VCP: variants seen among roughly 807,000 people sequenced by gnomAD.
The protein encoded by VCP is valosin containing protein, also known as transitional endoplasmic reticulum ATPase.
Under a neutral mutation model 85.7 loss-of-function variants are expected in VCP, and 6 were observed. The observed-to-expected ratio is 0.07, with a 90% CI of 0.04 to 0.14. The LOEUF (loss-of-function observed/expected upper bound fraction) is 0.14, where lower values mean the gene tolerates loss of function less well. VCP is among the 10% of genes least tolerant of loss of function. The pLI is 1.00. For missense variants in VCP, 353 were observed against 1,043.4 expected (o/e 0.34, Z 9.12); for synonymous variants, 384 against 367.1 (o/e 1.05, Z -0.53).
chr9:35,065,767 G>A (rs1791397472), intron 4 of VCP, among the ~76,000 whole-genome samples: 1 of 152,128 alleles, frequency 6.6e-6, no homozygotes, highest in African/African-American at 2.4e-5. Context: ...TACTCTCCTG[G>A]AACAGAGAAG....
chr9:35,057,894 G>A (rs978064085), intron 15 of VCP: 11 of 360,262 alleles, frequency 3.1e-5, no homozygotes, highest in Non-Finnish European at 5.3e-5. Flanking sequence ...TATAGAAAGA[G>A]TGAATTTTAT....
In VCP at chr9:35,072,602, G is replaced by A. The variant is rs936996278; in HGVS notation, c.-249C>T. 6 of 479,632 alleles carry A rather than the reference G, an allele frequency of 1.3e-5. No individual in the cohort carries two copies. The highest frequency in any genetic ancestry group is 2.1e-5 in the African/African-American group (1 of 48,498). The allele number at this position is 479,632 out of a possible 1,614,324, so 29.7% of individuals were successfully genotyped here. On this transcript the variant is annotated 5_prime_UTR_variant, in exon 1 of 17. Coordinates refer to ENST00000358901, the MANE Select transcript of VCP (RefSeq NM_007126.5). ...CAGCGGCAGCGACGACTCAAACGAC[G>A]GTCGCAGACGCTTCGCTGAGACTGA...
chr9:35,072,543 C>G lies in VCP; in HGVS notation c.-190G>C. ...GGCGTCGGGCGAACAACGCTGGCTC[C>G]TGATCCGCGAGGTGGCAGTGGCAGT... On this transcript the variant is annotated 5_prime_UTR_variant, in exon 1 of 17. Coordinates refer to ENST00000358901, the MANE Select transcript of VCP (RefSeq NM_007126.5). 3 of 670,138 alleles carry G rather than the reference C, an allele frequency of 4.5e-6. No individual in the cohort carries two copies. Among genetic ancestry groups the G allele is most frequent in the Admixed American group, 4.3e-5 (1 of 23,046 alleles). The allele number at this position is 670,138 out of a possible 1,614,324, so 41.5% of individuals were successfully genotyped here. A position where few individuals can be genotyped will look rare whatever the true frequency, so the allele number is the denominator to read the frequency against.
intron 1 of VCP, among the ~76,000 whole-genome samples, chr9:35,069,288 G>A (rs1321757003): frequency 6.6e-6 from 1 of 152,042 alleles, no homozygotes; most frequent in Non-Finnish European, 1.5e-5. Flanking sequence ...TGAGACATGG[G>A]GCAAATCCAA....
At chr9:35,065,157 C>T (rs893301313) in intron 5 of VCP, 94 bp downstream of exon 5, 10 of 1,591,212 alleles carry the variant, frequency 6.3e-6, no homozygotes, top group East Asian at 2.2e-5. Context: ...TGTCAGCCAC[C>T]GCAGCCGGCC....
At chr9:35,061,270 T>C in intron 10 of VCP, 91 bp from the exon 11 acceptor site, 3 of 1,551,386 alleles carry the variant, frequency 1.9e-6, no homozygotes, top group Non-Finnish European at 2.7e-6. Context: ...CTGACTGCTA[T>C]CCCTGGGTCC....
intron 3 of VCP, among the ~76,000 whole-genome samples, chr9:35,067,053 G>T (rs1828848115): frequency 6.6e-6 from 1 of 152,208 alleles, no homozygotes; most frequent in South Asian, 2.1e-4. Flanking sequence ...ACAAAGACAT[G>T]CAGGGTCTTC....
intron 15 of VCP, chr9:35,057,732 G>C: frequency 1.5e-6 from 1 of 673,904 alleles, no homozygotes; most frequent in Non-Finnish European, 2.6e-6. Context: ...AAAACTGTAG[G>C]GACAGAAATC....
In VCP at chr9:35,068,069, G is replaced by T; in HGVS notation, c.130-6C>A. 2.5e-6 allele frequency: 4 copies of T among 1,614,200 alleles called. No individual in the cohort carries two copies. The highest frequency in any genetic ancestry group is 3.4e-6 in the Non-Finnish European group (4 of 1,180,044). On this transcript the variant is annotated splice_region_variant and splice_polypyrimidine_tract_variant and intron_variant, in intron 2 of 16. Transcript: ENST00000358901. ...TGCAATTCATCCATCTTGGGCTGAG[G>T]AAAGAAAGTTAAGGCCTTTGGGTCA...
At chr9:35,058,210 T>C (rs142113644) in intron 15 of VCP, among the ~76,000 whole-genome samples, 221 of 152,290 alleles carry the variant, frequency 1.5e-3, no homozygotes, top group Non-Finnish European at 2.3e-3. Flanking sequence ...TCATCAGTAG[T>C]TGTTAAGCTT....
intron 4 of VCP, 26 bp from the exon 5 acceptor site, chr9:35,065,407 A>G (rs908384922): frequency 5.0e-6 from 8 of 1,613,840 alleles, no homozygotes; most frequent in African/African-American, 1.3e-5. Flanking sequence ...GTACAAGCAC[A>G]GTTAGAGGTG....
At position 35,066,754 on chromosome 9, in the gene VCP, T is replaced by C. The variant is rs1397108432; in HGVS notation, c.366A>G (p.Thr122=). The C allele has an allele frequency of 1.5e-5, 24 of 1,614,176 alleles. No individual in the cohort carries two copies. Among genetic ancestry groups the C allele is most frequent in the Non-Finnish European group, 2.0e-5 (24 of 1,180,038 alleles). ...KRIHVLPIDD[T]VEGITGNLFE... ...AGAGATTACCAGTAATGCCTTCCACTGTGTCATCAATGGGCAGCACATGGA... is the reference window on the plus strand; with the variant it reads ...AGAGATTACCAGTAATGCCTTCCACCGTGTCATCAATGGGCAGCACATGGA... The change falls in exon 4 of 17, where the codon ACA becomes ACG. Residue 122 remains threonine, a synonymous_variant. Transcript: ENST00000358901.
chr9:35,063,912 T>C (rs1395364681), intron 6 of VCP, among the ~76,000 whole-genome samples: 1 of 152,240 alleles, frequency 6.6e-6, no homozygotes, highest in Non-Finnish European at 1.5e-5. Flanking sequence ...AACCCATATA[T>C]ATATGTGTGT....
chr9:35,060,630 T>C (rs1350322648), intron 12 of VCP, 105 bp from the exon 13 acceptor site: 6 of 1,514,232 alleles, frequency 4.0e-6, no homozygotes, highest in African/African-American at 1.4e-5. Context: ...CCCAATGGTA[T>C]CAGATCCAGG....
chr9:35,066,347 C>T (rs1426942960), intron 4 of VCP, among the ~76,000 whole-genome samples: 4 of 149,910 alleles, frequency 2.7e-5, no homozygotes, highest in African/African-American at 9.8e-5. Flanking sequence ...CTGCAACCTC[C>T]ACCTCTTGGG....
intron 6 of VCP, among the ~76,000 whole-genome samples, chr9:35,063,772 A>T (rs1202453634): frequency 2.6e-5 from 4 of 152,204 alleles, no homozygotes; most frequent in Non-Finnish European, 5.9e-5. Flanking sequence ...ACACTCTGAA[A>T]ATTTCCTTAA....
At chr9:35,062,934 C>G in intron 7 of VCP, 44 bp downstream of exon 7, 3 of 1,603,222 alleles carry the variant, frequency 1.9e-6, no homozygotes, top group Non-Finnish European at 2.6e-6. Flanking sequence ...AAGCCCAGTT[C>G]AAAATTGGGT....
chr9:35,060,241 T>G, intron 13 of VCP, 72 bp downstream of exon 13: 1 of 1,503,940 alleles, frequency 6.6e-7, no homozygotes, highest in South Asian at 1.2e-5. Flanking sequence ...ATTTCAACCC[T>G]CTTAAAGAAA....
rs1461454353 is a variant in VCP, at chr9:35,064,220, A to C, written c.642T>G (p.Ala214=). Residue 214 remains alanine, a synonymous_variant, in exon 6 of 17, where the codon GCT becomes GCG. Coordinates refer to ENST00000358901, the MANE Select transcript of VCP (RefSeq NM_007126.5). ...DDIGGCRKQL[A]QIKEMVELPL... is the part of the protein sequence containing the mutation. ...GCAGTTCCACCATCTCCTTTATCTGAGCTAGCTGCTTCCTGCAGCCACCAA... is the reference window on the plus strand; with the variant it reads ...GCAGTTCCACCATCTCCTTTATCTGCGCTAGCTGCTTCCTGCAGCCACCAA... 6.2e-7 allele frequency: 1 copy of C among 1,614,092 alleles called. No homozygotes were observed. The highest frequency in any genetic ancestry group is 8.5e-7 in the Non-Finnish European group (1 of 1,180,050).
Sources: allele counts gnomAD v4.1 joint callset (sites outside exome capture counted in the v4.1 genomes callset), GRCh38; gene constraint gnomAD v4.1.1; transcripts MANE v1.5; gene names NCBI Gene and HGNC (gene_info 2026-07-23, HGNC 2026-07-21).